The following ZFHX3 variants were observed in gnomAD, a reference collection of about 807,000 sequenced individuals.
ZFHX3 encodes the protein zinc finger homeobox 3, also known as zinc finger homeobox protein 3.
Under a neutral mutation model 279.1 loss-of-function variants are expected in ZFHX3, and 42 were observed. The observed-to-expected ratio is 0.15, with a 90% CI of 0.12 to 0.19. The LOEUF is 0.19. Among genes scored for constraint, ZFHX3 ranks in the 10% least tolerant of loss-of-function variants. The probability of loss-of-function intolerance (pLI) is 1.00; values close to 1 mark genes in which losing one functional copy is unlikely to be tolerated. For missense variants in ZFHX3, 4,981 were observed against 4,754.0 expected (o/e 1.05, Z -1.40); for synonymous variants, 2,293 against 1,957.8 (o/e 1.17, Z -4.52).
At chr16:73,153,916 G>A (rs1383786471) in intron 5 of ZFHX3, among the ~76,000 whole-genome samples, 1 of 151,958 alleles carries the variant, frequency 6.6e-6, no homozygotes, top group Non-Finnish European at 1.5e-5. Flanking sequence ...TTAAGGACAA[G>A]GATGGTCTTC....
intron 5 of ZFHX3, among the ~76,000 whole-genome samples, chr16:73,189,672 C>T (rs2144887190): frequency 6.6e-6 from 1 of 152,334 alleles, no homozygotes; most frequent in African/African-American, 2.4e-5. Flanking sequence ...GCCCTGGCAT[C>T]TCTCCTTTCA....
chr16:72,873,792 T>C (rs1169837871), intron 4 of ZFHX3, among the ~76,000 whole-genome samples: 1 of 152,330 alleles, frequency 6.6e-6, no homozygotes, highest in African/African-American at 2.4e-5. Context: ...TGGGTCTTGC[T>C]ACCCACCCCT....
chr16:73,394,809 G>T (rs1044005859), intron 3 of ZFHX3, among the ~76,000 whole-genome samples: 1 of 152,164 alleles, frequency 6.6e-6, no homozygotes, highest in Non-Finnish European at 1.5e-5. Flanking sequence ...CTATGTGCCA[G>T]ACACTGACCT....
chr16:73,795,127 G>A (rs905603051), intron 1 of ZFHX3, among the ~76,000 whole-genome samples: 5 of 152,178 alleles, frequency 3.3e-5, no homozygotes, highest in Non-Finnish European at 7.3e-5. Context: ...CCAGCCAAAG[G>A]AGCAGTAGTA....
At chr16:73,105,382 T>TAC (rs1188959195) in intron 7 of ZFHX3, among the ~76,000 whole-genome samples, 3 of 40,480 alleles carry the variant, frequency 7.4e-5, no homozygotes, top group East Asian at 1.5e-3. Context: ...TATATATATA[T>TAC]ACACACACAC....
chr16:73,657,470 A>T, intron 2 of ZFHX3, among the ~76,000 whole-genome samples: 1 of 152,202 alleles, frequency 6.6e-6, no homozygotes, highest in East Asian at 1.9e-4. Context: ...AAATAAAATA[A>T]GTAAAATGTA....
intron 1 of ZFHX3, among the ~76,000 whole-genome samples, chr16:73,728,735 C>T (rs370212286): frequency 2.4e-4 from 36 of 151,786 alleles, no homozygotes; most frequent in African/African-American, 8.7e-4. Context: ...GAGCCCCCTG[C>T]CTCTGCTTGA....
At chr16:73,369,840 TTCTC>T (rs141368995) in intron 3 of ZFHX3, among the ~76,000 whole-genome samples, 97 of 143,672 alleles carry the variant, frequency 6.8e-4, no homozygotes, top group African/African-American at 2.2e-3. Context: ...GGATGGTCCT[TTCTC>T]TCTCTCTCTC....
At chr16:73,038,932 G>A (rs1218425341) in intron 1 of ZFHX3, among the ~76,000 whole-genome samples, 2 of 151,832 alleles carry the variant, frequency 1.3e-5, no homozygotes, top group African/African-American at 4.8e-5. Flanking sequence ...CGAGTAGCTA[G>A]GAATACAGGC....
chr16:73,203,719 G>A (rs2011686306), intron 5 of ZFHX3, among the ~76,000 whole-genome samples: 1 of 152,190 alleles, frequency 6.6e-6, no homozygotes, highest in Non-Finnish European at 1.5e-5. Context: ...AATAATACTA[G>A]CTAACACTTA....
chr16:72,865,433 G>T (rs2037994266), intron 4 of ZFHX3, among the ~76,000 whole-genome samples: 4 of 152,216 alleles, frequency 2.6e-5, no homozygotes, highest in Admixed American at 2.6e-4. Context: ...CCTGTGCTGG[G>T]CCATATCAGG....
intron 5 of ZFHX3, among the ~76,000 whole-genome samples, chr16:73,198,694 C>T (rs1968204976): frequency 6.6e-6 from 1 of 152,158 alleles, no homozygotes; most frequent in South Asian, 2.1e-4. Flanking sequence ...GCTACAGAAA[C>T]TTCCTTAATA....
intron 1 of ZFHX3, among the ~76,000 whole-genome samples, chr16:73,776,997 G>A (rs1959271573): frequency 6.6e-6 from 1 of 152,134 alleles, no homozygotes; most frequent in South Asian, 2.1e-4. Flanking sequence ...CCGGAGCTAG[G>A]ATTACTCTTC....
chr16:73,539,859 A>C (rs2019980201), intron 2 of ZFHX3, among the ~76,000 whole-genome samples: 1 of 152,192 alleles, frequency 6.6e-6, no homozygotes, highest in Non-Finnish European at 1.5e-5. Context: ...GTTACTGAAT[A>C]CATGAAACTC....
Position 72,796,650 on chromosome 16 carries a change from G to A in ZFHX3, c.6032C>T (p.Pro2011Leu). The A allele has an allele frequency of 6.2e-7, 1 of 1,614,100 alleles. No homozygotes were observed. The highest frequency in any genetic ancestry group is 8.5e-7 in the Non-Finnish European group (1 of 1,180,018). Residue 2011 changes from proline (P) to leucine (L), a missense_variant, in exon 9 of 10, where the codon CCT becomes CTT. By Grantham distance (98) the Pro-to-Leu change is moderately conservative. Coordinates refer to ENST00000268489, the MANE Select transcript of ZFHX3 (RefSeq NM_006885.4). Reference protein sequence around the residue: ...HQEHVHQNYFPFKQLERFAKQ... With the variant: ...HQEHVHQNYFLFKQLERFAKQ... ...GGCAAACCTCTCGAGCTGTTTGAAA[G>A]GAAAGTAATTCTGATGAACGTGCTC... is the stretch of plus-strand genomic sequence containing the variant.
chr16:73,682,840 G>GA (rs1280204917), intron 1 of ZFHX3, among the ~76,000 whole-genome samples: 31 of 133,084 alleles, frequency 2.3e-4, no homozygotes, highest in African/African-American at 9.3e-4. Context: ...GAGAGAGAGA[G>GA]AAAAAAAGAA....
At chr16:73,697,217 C>CTTT (rs78469043) in intron 1 of ZFHX3, among the ~76,000 whole-genome samples, 6 of 133,866 alleles carry the variant, frequency 4.5e-5, no homozygotes, top group Non-Finnish European at 4.9e-5. Flanking sequence ...ATTCTAACCT[C>CTTT]TTTTTTTTTT....
rs1464615890 is a variant in ZFHX3 at position 72,785,531 on chromosome 16, T to TTTG, written c.*1630_*1632dup. The TTTG allele has an allele frequency of 6.6e-6, 1 of 152,664 alleles. No homozygotes were observed. Among genetic ancestry groups the TTTG allele is most frequent in the Non-Finnish European group, 1.5e-5 (1 of 68,048 alleles). The allele number at this position is 152,664 out of a possible 1,614,324, so 9.5% of individuals were successfully genotyped here. ...CTTTCTTTTATTAAACTAAGTCTTG[T>TTTG]TTGTTTAAATCAGAAACAAATTCTC... On this transcript the variant is annotated 3_prime_UTR_variant, in exon 10 of 10. Coordinates refer to ENST00000268489, the MANE Select transcript of ZFHX3 (RefSeq NM_006885.4).
chr16:73,063,356 C>A (rs959846627), upstream of ZFHX3, among the ~76,000 whole-genome samples: 13 of 152,072 alleles, frequency 8.5e-5, no homozygotes, highest in African/African-American at 3.1e-4. Context: ...AGAGTGGCAG[C>A]CAGGCGCAGC....
Sources: allele counts gnomAD v4.1 joint callset (sites outside exome capture counted in the v4.1 genomes callset), GRCh38; gene constraint gnomAD v4.1.1; transcripts MANE v1.5; gene names NCBI Gene and HGNC (gene_info 2026-07-23, HGNC 2026-07-21).